Variants in SEPTIN11 observed in about 807,000 individuals in gnomAD.
SEPTIN11 encodes septin-11.
In SEPTIN11, 25 loss-of-function variants were observed where a neutral mutation model predicts 51.4. The observed-to-expected ratio is 0.49, with a 90% CI of 0.35 to 0.68. The LOEUF (loss-of-function observed/expected upper bound fraction) is 0.68, where lower values mean the gene tolerates loss of function less well. Ranked by LOEUF, SEPTIN11 falls within the 30% of genes least tolerant of loss-of-function variation. The probability of loss-of-function intolerance (pLI) is 0.00; values close to 1 mark genes in which losing one functional copy is unlikely to be tolerated. For synonymous variants in SEPTIN11, 174 were observed against 184.1 expected (o/e 0.95, Z 0.44); for missense variants, 381 against 520.8 (o/e 0.73, Z 2.61).
At chr4:77,023,159 CGA>C (rs953172944) in intron 7 of SEPTIN11, among the ~76,000 whole-genome samples, 1 of 151,730 alleles carries the variant, frequency 6.6e-6, no homozygotes, top group African/African-American at 2.4e-5. Context: ...GGGATATCAC[CGA>C]GGCTGCCTGA....
At chr4:76,965,193 G>T (rs1207361687) in intron 1 of SEPTIN11, among the ~76,000 whole-genome samples, 1 of 152,126 alleles carries the variant, frequency 6.6e-6, no homozygotes, top group Non-Finnish European at 1.5e-5. Flanking sequence ...GCTCACACCT[G>T]TAATGCCAGC....
In SEPTIN11 at chr4:76,950,008, A is replaced by C. The variant is rs938311659; in HGVS notation, c.27+78A>C. On this transcript the variant is annotated intron_variant, in intron 1 of 9. Transcript: ENST00000264893. ...CTGGGGCGGGTGCGGTGAGGACCACAGGGGAGCCGGGCGGGTGCTCGGCCC... is the reference window on the plus strand; with the variant it reads ...CTGGGGCGGGTGCGGTGAGGACCACCGGGGAGCCGGGCGGGTGCTCGGCCC... The C allele has an allele frequency of 2.3e-6, 3 of 1,303,934 alleles. No individual in the cohort carries two copies. The African/African-American group carries it at 5.4e-5, about 24-fold the overall frequency. The allele number at this position is 1,303,934 out of a possible 1,614,324, so 80.8% of individuals were successfully genotyped here. A position where few individuals can be genotyped will look rare whatever the true frequency, so the allele number is the denominator to read the frequency against.
At chr4:76,957,921 C>G (rs1429161113) in intron 1 of SEPTIN11, among the ~76,000 whole-genome samples, 1 of 152,156 alleles carries the variant, frequency 6.6e-6, no homozygotes, top group Non-Finnish European at 1.5e-5. Flanking sequence ...AAGTGACTGT[C>G]AAATATAATT....
intron 9 of SEPTIN11, among the ~76,000 whole-genome samples, chr4:77,033,661 CA>C: frequency 6.6e-6 from 1 of 152,318 alleles, no homozygotes; most frequent in East Asian, 1.9e-4. Flanking sequence ...GTAAGTTGGT[CA>C]GTGGACAGTG....
At position 77,030,919 on chromosome 4, in the gene SEPTIN11, AGGCCCAGCAATCTGG is replaced by A; in HGVS notation, c.1234_1248del (p.Ser412_Gln416del). On this transcript the variant is annotated inframe_deletion, in exon 9 of 10. Coordinates refer to ENST00000264893, the MANE Select transcript of SEPTIN11 (RefSeq NM_018243.4). ...GCAGCGGCTCAGTTACTACAGTCCC[AGGCCCAGCAATCTGG>A]GGCCCAGCAAACCAAGAAAGACAAG... is the stretch of plus-strand genomic sequence containing the variant. 1 of 1,610,784 alleles carries A rather than the reference AGGCCCAGCAATCTGG, an allele frequency of 6.2e-7. No homozygotes were observed. Among genetic ancestry groups the A allele is most frequent in the Non-Finnish European group, 8.5e-7 (1 of 1,179,368 alleles).
chr4:76,949,913 G>T lies in SEPTIN11; in HGVS notation c.10G>T (p.Ala4Ser). The change falls in exon 1 of 10, where the codon GCC becomes TCC. Residue 4 changes from alanine (A) to serine (S), a missense_variant. By Grantham distance (99) the Ala-to-Ser change is moderately conservative. This residue lies in a region of SEPTIN11 where 184 missense variants were observed against 207.7 expected (regional missense o/e 0.89). Coordinates refer to ENST00000264893, the MANE Select transcript of SEPTIN11 (RefSeq NM_018243.4). ...CGGTGCCGCAGCTGCGATGGCCGTG[G>T]CCGTGGGGAGACCGTCTGTGAGTGC... The part of the protein sequence containing the change: MAV[A>S]VGRPSNEELR... 6.5e-7 allele frequency: 1 copy of T among 1,529,710 alleles called. No homozygotes were observed. Among genetic ancestry groups the T allele is most frequent in the East Asian group, 2.7e-5 (1 of 37,634 alleles). 94.8% of individuals were successfully genotyped at this position (1,529,710 alleles called of 1,614,324 possible). A position where few individuals can be genotyped will look rare whatever the true frequency, so the allele number is the denominator to read the frequency against.
At chr4:77,022,803 T>C (rs1725810663) in intron 7 of SEPTIN11, among the ~76,000 whole-genome samples, 1 of 152,184 alleles carries the variant, frequency 6.6e-6, no homozygotes, top group South Asian at 2.1e-4. Context: ...AACTCAGGAA[T>C]CTGTGGAATT....
intron 9 of SEPTIN11, among the ~76,000 whole-genome samples, chr4:77,033,850 T>C (rs1726853175): frequency 6.6e-6 from 1 of 152,196 alleles, no homozygotes; most frequent in Admixed American, 6.5e-5. Flanking sequence ...AGGAATAAGG[T>C]TGCATGTTTT....
intron 5 of SEPTIN11, among the ~76,000 whole-genome samples, chr4:77,016,639 T>C (rs28682356): frequency 1.1e-4 from 12 of 110,888 alleles, no homozygotes; most frequent in Admixed American, 4.9e-4. Context: ...TACACATATA[T>C]ATATATATAT....
At chr4:76,958,993 A>ATCCACATCTAC (rs1222656077) in intron 1 of SEPTIN11, 1 of 797,802 alleles carries the variant, frequency 1.3e-6, no homozygotes, top group Non-Finnish European at 2.2e-6. Flanking sequence ...CCTGACAGTC[A>ATCCACATCTAC]TCCACATCTA....
At chr4:76,966,467 CTT>C (rs200247818) in intron 1 of SEPTIN11, among the ~76,000 whole-genome samples, 5 of 141,814 alleles carry the variant, frequency 3.5e-5, no homozygotes, top group African/African-American at 7.8e-5. Flanking sequence ...GTATAGCTGA[CTT>C]TTTTTTTTTT....
chr4:76,958,787 G>A (rs1721674076), intron 1 of SEPTIN11: 4 of 941,674 alleles, frequency 4.2e-6, no homozygotes, highest in Non-Finnish European at 6.5e-6. Context: ...CATACTTTAT[G>A]TTTTTTGTAA....
chr4:76,982,060 A>G (rs1215360662), intron 1 of SEPTIN11, among the ~76,000 whole-genome samples: 1 of 152,194 alleles, frequency 6.6e-6, no homozygotes, highest in Non-Finnish European at 1.5e-5. Flanking sequence ...AAAAAGAATC[A>G]GTTTTAAAGT....
intron 1 of SEPTIN11, chr4:76,974,717 T>C (rs1235996641): frequency 1.1e-5 from 5 of 456,360 alleles, no homozygotes; most frequent in Admixed American, 4.7e-5. Flanking sequence ...CTGGTTTATT[T>C]ATGGTGAAAA....
chr4:77,015,415 C>A (rs1725151034), intron 5 of SEPTIN11, among the ~76,000 whole-genome samples: 1 of 152,200 alleles, frequency 6.6e-6, no homozygotes, highest in Admixed American at 6.5e-5. Context: ...TCCCTCCTTT[C>A]TATTTTCCCT....
intron 1 of SEPTIN11, chr4:76,996,030 A>AT: frequency 8.3e-7 from 1 of 1,198,162 alleles, no homozygotes. Context: ...AGTGTTAAAT[A>AT]TTTTTTCACT....
intron 1 of SEPTIN11, among the ~76,000 whole-genome samples, chr4:76,977,076 G>C (rs1281332047): frequency 2.6e-5 from 4 of 152,186 alleles, no homozygotes; most frequent in African/African-American, 7.2e-5. Flanking sequence ...TCTAAAGAAA[G>C]CATTTTTGGT....
In SEPTIN11 at chr4:77,036,775, C is replaced by T. The variant is rs2109992946; in HGVS notation, c.*2263C>T. ...TCTATGCCTTTTTTTCACAGTAGTCCTTGGCTCTGCACGGAATAAATGATA... is the reference window on the plus strand; with the variant it reads ...TCTATGCCTTTTTTTCACAGTAGTCTTTGGCTCTGCACGGAATAAATGATA... On this transcript the variant is annotated 3_prime_UTR_variant, in exon 10 of 10. Coordinates refer to ENST00000264893, the MANE Select transcript of SEPTIN11 (RefSeq NM_018243.4). 6.5e-7 allele frequency: 1 copy of T among 1,534,906 alleles called. No individual in the cohort carries two copies.
At chr4:76,958,966 A>C in intron 1 of SEPTIN11, 1 of 995,418 alleles carries the variant, frequency 1.0e-6, no homozygotes, top group Non-Finnish European at 1.6e-6. Flanking sequence ...ATTTGACTTC[A>C]TACTCTAAAG....
Sources: allele counts gnomAD v4.1 joint callset (sites outside exome capture counted in the v4.1 genomes callset), GRCh38; gene constraint gnomAD v4.1.1; regional missense constraint gnomAD v4.1.1; transcripts MANE v1.5; gene names NCBI Gene and HGNC (gene_info 2026-07-23, HGNC 2026-07-21).